SYNPR: variants seen among roughly 807,000 people sequenced by gnomAD.
The protein encoded by SYNPR is synaptoporin.
Under a neutral mutation model 32.9 loss-of-function variants are expected in SYNPR, and 23 were observed. The observed-to-expected ratio is 0.70, with a 90% CI of 0.50 to 0.99. The LOEUF is 0.99. SYNPR is among the 50% of genes least tolerant of loss of function. SYNPR has a pLI of 0.00. For synonymous variants in SYNPR, 146 were observed against 135.9 expected (o/e 1.07, Z -0.52); for missense variants, 318 against 349.3 (o/e 0.91, Z 0.71).
intron 2 of SYNPR, among the ~76,000 whole-genome samples, chr3:63,479,303 C>T (rs901847302): frequency 2.6e-5 from 4 of 152,172 alleles, no homozygotes; most frequent in East Asian, 1.9e-4. Flanking sequence ...TGAGAGCTTA[C>T]GCAGTGCCAG....
chr3:63,409,036 G>A (rs555485849), intron 2 of SYNPR, among the ~76,000 whole-genome samples: 1 of 151,922 alleles, frequency 6.6e-6, no homozygotes, highest in Admixed American at 6.6e-5. Flanking sequence ...TCCAAACCAG[G>A]TGAACCTTGT....
intron 2 of SYNPR, among the ~76,000 whole-genome samples, chr3:63,447,744 A>AT (rs34520499): frequency 0.035 from 5,156 of 146,778 alleles, 278 homozygotes; most frequent in African/African-American, 0.12. Context: ...TTTTACTGTG[A>AT]TTTTTTTTTT....
the SYNPR span, among the ~76,000 whole-genome samples, chr3:63,209,768 A>G: frequency 6.6e-6 from 1 of 152,208 alleles, no homozygotes; most frequent in Admixed American, 6.5e-5. Context: ...ACACACGCTC[A>G]TAGCATCCTA....
In SYNPR at chr3:63,339,228, C is replaced by A. The variant is rs752887300; in HGVS notation, c.84+60486C>A. On this transcript the variant is annotated intron_variant, in intron 2 of 5. Transcript: ENST00000478300. ...TAAACACATTTTTAGTGAGCACCTA[C>A]TATGTCCCAGGCACAAGTAGTAAAC... Among the ~76,000 whole-genome samples, 35 of 152,208 alleles carry A rather than the reference C, an allele frequency of 2.3e-4. 1 individual carries two copies. Among genetic ancestry groups the A allele is most frequent in the Admixed American group, 6.5e-5 (1 of 15,280 alleles).
chr3:63,379,462 G>C (rs1319464244), intron 2 of SYNPR, among the ~76,000 whole-genome samples: 1 of 151,008 alleles, frequency 6.6e-6, no homozygotes. Flanking sequence ...TCTCTTTTCA[G>C]TTCTACTGGT....
rs929882153 is a variant in SYNPR at position 63,423,008 on chromosome 3, C to T, written c.85-57824C>T. Among the ~76,000 whole-genome samples, 3 of 152,112 alleles carry T rather than the reference C, an allele frequency of 2.0e-5. No individual in the cohort carries two copies. In the South Asian group the frequency reaches 6.2e-4, roughly 31 times the overall value. On this transcript the variant is annotated intron_variant, in intron 2 of 5. Coordinates refer to ENST00000478300, the MANE Select transcript of SYNPR (RefSeq NM_001130003.2). ...ATATATCAACATAGATCTTAAAAAT[C>T]TAATGTCTAGAAAAACACATTGCAG...
intron 3 of SYNPR, among the ~76,000 whole-genome samples, chr3:63,270,973 T>TCTTC (rs200592272): frequency 3.8e-4 from 6 of 15,922 alleles, no homozygotes; most frequent in Admixed American, 1.6e-3. Flanking sequence ...TTCCTTCTTT[T>TCTTC]CTTCCTTCCT....
chr3:63,278,593 G>A (rs778458427), intron 1 of SYNPR, 42 bp downstream of exon 1: 5 of 1,550,814 alleles, frequency 3.2e-6, no homozygotes, highest in East Asian at 4.9e-5. Context: ...GGAGCAGGGG[G>A]CGGGGGATGC....
At chr3:63,272,236 T>C (rs762305793) in intron 3 of SYNPR, among the ~76,000 whole-genome samples, 1 of 152,178 alleles carries the variant, frequency 6.6e-6, no homozygotes, top group African/African-American at 2.4e-5. Context: ...TGCTAAGTGA[T>C]GGAGTTGGTA....
chr3:63,452,206 G>T (rs146206174), intron 2 of SYNPR: 17 of 613,120 alleles, frequency 2.8e-5, no homozygotes, highest in Non-Finnish European at 5.1e-5. Flanking sequence ...GCCACTGGGT[G>T]CCGGGTTAAG....
rs371954022 is a variant in SYNPR, at chr3:63,593,025, C to T, written c.409-16100C>T. 4.6e-5 allele frequency among the ~76,000 whole-genome samples: 7 copies of T among 151,916 alleles called. No homozygotes were observed. The East Asian group carries it at 9.7e-4, about 21-fold the overall frequency. Reference sequence around the variant, plus strand: ...CCTCAGGACTGCCTGATTTCAAAGACGGCAGACTTAACCACTATGTGATAA... The same window carrying T: ...CCTCAGGACTGCCTGATTTCAAAGATGGCAGACTTAACCACTATGTGATAA... On this transcript the variant is annotated intron_variant, in intron 4 of 5. Transcript: ENST00000478300.
At chr3:63,557,122 A>C (rs1002354243) in intron 4 of SYNPR, among the ~76,000 whole-genome samples, 1 of 152,104 alleles carries the variant, frequency 6.6e-6, no homozygotes, top group Non-Finnish European at 1.5e-5. Context: ...CTGTATATCT[A>C]TCTATCTATG....
At chr3:63,337,392 G>A (rs1051672067) in intron 2 of SYNPR, among the ~76,000 whole-genome samples, 10 of 152,088 alleles carry the variant, frequency 6.6e-5, no homozygotes, top group African/African-American at 2.4e-4. Flanking sequence ...TGGAGTAACA[G>A]GGACTCTTCA....
At chr3:63,424,117 G>T (rs1699852386) in intron 2 of SYNPR, among the ~76,000 whole-genome samples, 1 of 152,182 alleles carries the variant, frequency 6.6e-6, no homozygotes, top group South Asian at 2.1e-4. Context: ...ATGAGCTTAA[G>T]TTGGTAATAA....
At chr3:63,272,340 G>C (rs2086544085) in intron 3 of SYNPR, among the ~76,000 whole-genome samples, 1 of 152,146 alleles carries the variant, frequency 6.6e-6, no homozygotes, top group East Asian at 1.9e-4. Flanking sequence ...ATAGAGCCAG[G>C]ATATGATGAA....
At chr3:63,207,656 A>T in the SYNPR span, among the ~76,000 whole-genome samples, 11 of 152,294 alleles carry the variant, frequency 7.2e-5, no homozygotes, top group Middle Eastern at 0.017. Flanking sequence ...AGAACTCTTG[A>T]AAGTCAAATA....
chr3:63,437,386 A>T (rs1700102868), intron 2 of SYNPR, among the ~76,000 whole-genome samples: 1 of 152,140 alleles, frequency 6.6e-6, no homozygotes, highest in Non-Finnish European at 1.5e-5. Context: ...AGACCACACA[A>T]GTAGTAATAT....
chr3:63,577,898 T>C lies in SYNPR; in HGVS notation c.408+21157T>C, dbSNP rs573348561. Among the ~76,000 whole-genome samples, 4 of 152,170 alleles carry C rather than the reference T, an allele frequency of 2.6e-5. No individual in the cohort carries two copies. In the East Asian group the frequency reaches 5.8e-4, roughly 22 times the overall value. On this transcript the variant is annotated intron_variant, in intron 4 of 5. Coordinates refer to ENST00000478300, the MANE Select transcript of SYNPR (RefSeq NM_001130003.2). ...GTTTTTAAAAGCTTTTGTTAACAAT[T>C]AAATAATCTGCTGGTAATAGAGGCA...
Position 63,278,693 on chromosome 3 carries a change from C to A in SYNPR, c.35C>A (p.Thr12Asn), listed in dbSNP as rs2086600062. 2 of 1,551,570 alleles carry A rather than the reference C, an allele frequency of 1.3e-6. No homozygotes were observed. Among genetic ancestry groups the A allele is most frequent in the East Asian group, 2.4e-5 (1 of 40,886 alleles). ...DPVSQLASAG[T>N]FRVLKEPLAF... ...CCCCCAAAGCTGGCCTCTGCGGGCA[C>A]CTTCCGGGTGCTGAAGGAGCCCCTT... Residue 12 changes from threonine (T) to asparagine (N), a missense_variant, in exon 2 of 6, where the codon ACC (threonine) becomes AAC (asparagine). Physicochemically the swap from Thr to Asn is moderately conservative, Grantham distance 65. Coordinates refer to ENST00000478300, the MANE Select transcript of SYNPR (RefSeq NM_001130003.2).
Sources: allele counts gnomAD v4.1 joint callset (sites outside exome capture counted in the v4.1 genomes callset), GRCh38; gene constraint gnomAD v4.1.1; transcripts MANE v1.5; gene names NCBI Gene and HGNC (gene_info 2026-07-23, HGNC 2026-07-21).